The following ARHGAP18 variants were observed in gnomAD, a reference collection of about 807,000 sequenced individuals.
The protein encoded by ARHGAP18 is Rho GTPase activating protein 18.
ARHGAP18 carries 67 observed loss-of-function variants against 86.2 expected under a neutral mutation model. The observed-to-expected ratio is 0.78, with a 90% CI of 0.64 to 0.95. The LOEUF (loss-of-function observed/expected upper bound fraction) is 0.95, where lower values mean the gene tolerates loss of function less well. Ranked by LOEUF, ARHGAP18 falls within the 40% of genes least tolerant of loss-of-function variation. The pLI, the probability that ARHGAP18 is intolerant of heterozygous loss-of-function variation, is 0.00. For missense variants in ARHGAP18, 691 were observed against 780.4 expected, an observed-to-expected ratio of 0.89 and a Z score of 1.37; for synonymous variants, 283 against 280.4, an observed-to-expected ratio of 1.01 and a Z score of -0.09.
intron 3 of ARHGAP18, among the ~76,000 whole-genome samples, chr6:129,634,415 G>A (rs867743677): frequency 2.6e-5 from 4 of 152,150 alleles, no homozygotes; most frequent in Middle Eastern, 3.2e-3. Flanking sequence ...AAAATTAGTA[G>A]TAGCTATTAA....
intron 4 of ARHGAP18, 85 bp from the exon 5 acceptor site, chr6:129,629,607 A>G: frequency 2.2e-6 from 3 of 1,388,474 alleles, no homozygotes; most frequent in South Asian, 1.4e-5. Context: ...ACATAAAAAC[A>G]TTTGGGAAGA....
chr6:129,670,707 C>A (rs1186293434), intron 1 of ARHGAP18, among the ~76,000 whole-genome samples: 1 of 128,272 alleles, frequency 7.8e-6, no homozygotes, highest in Admixed American at 7.7e-5. Flanking sequence ...TTTTTTTTTA[C>A]TGCCTCCCCC....
chr6:129,637,119 C>T (rs371933227), intron 3 of ARHGAP18, among the ~76,000 whole-genome samples: 3 of 151,510 alleles, frequency 2.0e-5, no homozygotes, highest in Admixed American at 6.6e-5. Flanking sequence ...GCCTGGAGTG[C>T]GGTGGCATGA....
intron 1 of ARHGAP18, among the ~76,000 whole-genome samples, chr6:129,677,469 T>C (rs1197971231): frequency 1.3e-5 from 2 of 152,214 alleles, no homozygotes; most frequent in African/African-American, 4.8e-5. Context: ...ATAATTACAC[T>C]AACTTATGGT....
rs117049914 is a variant in ARHGAP18 at position 129,603,289 on chromosome 6, C to T, written c.1366-2441G>A. 2.1e-3 allele frequency among the ~76,000 whole-genome samples: 326 copies of T among 152,200 alleles called. 2 individuals carry two copies. Among genetic ancestry groups the T allele is most frequent in the Middle Eastern group, 0.017 (5 of 294 alleles). On this transcript the variant is annotated intron_variant, in intron 10 of 14. Transcript: ENST00000368149. ...TTACTTCACTTAGAATAATGGCTTC[C>T]GGTTCCATCCAAGTTGTTGCAGAGG...
rs528140138 is a variant in ARHGAP18, at chr6:129,595,324, C to T, written c.1713+3892G>A. 5.3e-5 allele frequency among the ~76,000 whole-genome samples: 8 copies of T among 152,258 alleles called. No individual in the cohort carries two copies. In the East Asian group the frequency reaches 9.6e-4, roughly 18 times the overall value. On this transcript the variant is annotated intron_variant, in intron 12 of 14. Transcript: ENST00000368149. ...ACATTTGTACACTTTCATGGTATTTCGCTGTATAGATATGCCATAATGTAT... is the reference window on the plus strand; with the variant it reads ...ACATTTGTACACTTTCATGGTATTTTGCTGTATAGATATGCCATAATGTAT...
At chr6:129,661,512 G>A (rs370423568) in intron 1 of ARHGAP18, among the ~76,000 whole-genome samples, 82 of 136,362 alleles carry the variant, frequency 6.0e-4, no homozygotes, top group Non-Finnish European at 5.6e-4. Flanking sequence ...CTCTTTAAAT[G>A]AAAAAAAAAA....
Position 129,577,921 on chromosome 6 carries a change from A to G in ARHGAP18, c.*592T>C, listed in dbSNP as rs1788212549. On this transcript the variant is annotated 3_prime_UTR_variant, in exon 15 of 15. Transcript: ENST00000368149. ...GTCAGATGAACTGAAAAAAAATGCA[A>G]ATCACTTCCTGTGATACAGCAGGAA... 1 of 152,208 alleles carries G rather than the reference A, an allele frequency of 6.6e-6. No homozygotes were observed. Among genetic ancestry groups the G allele is most frequent in the South Asian group, 2.1e-4 (1 of 4,830 alleles). 9.4% of individuals were successfully genotyped at this position (152,208 alleles called of 1,614,324 possible).
chr6:129,599,143 A>T, intron 12 of ARHGAP18, 73 bp downstream of exon 12: 2 of 1,260,736 alleles, frequency 1.6e-6, no homozygotes, highest in Non-Finnish European at 2.1e-6. Flanking sequence ...CTATGAAAAC[A>T]TTAAATAAAA....
At chr6:129,667,881 C>A (rs989610454) in intron 1 of ARHGAP18, among the ~76,000 whole-genome samples, 6 of 151,868 alleles carry the variant, frequency 4.0e-5, no homozygotes, top group Admixed American at 1.3e-4. Context: ...GGTTATGAAA[C>A]AATGAAACAA....
intron 3 of ARHGAP18, 30 bp from the exon 4 acceptor site, chr6:129,634,135 T>A (rs1773280401): frequency 1.2e-6 from 2 of 1,601,678 alleles, no homozygotes; most frequent in East Asian, 4.5e-5. Flanking sequence ...CATTTAGTCA[T>A]CTCCAACTCA....
chr6:129,638,882 G>T (rs1220141183), intron 2 of ARHGAP18, among the ~76,000 whole-genome samples: 2 of 152,118 alleles, frequency 1.3e-5, no homozygotes, highest in African/African-American at 4.8e-5. Flanking sequence ...CTTCCCTGCA[G>T]ATTAACCCAG....
intron 1 of ARHGAP18, among the ~76,000 whole-genome samples, chr6:129,675,134 CAGA>C (rs1351182255): frequency 1.3e-5 from 2 of 152,130 alleles, no homozygotes; most frequent in Non-Finnish European, 2.9e-5. Context: ...AGTTGAGAAA[CAGA>C]AGGACAAGTG....
At chr6:129,639,869 A>AC (rs1165070565) in intron 2 of ARHGAP18, among the ~76,000 whole-genome samples, 1 of 151,786 alleles carries the variant, frequency 6.6e-6, no homozygotes, top group Non-Finnish European at 1.5e-5. Context: ...ACATGGTGAA[A>AC]CCCCCTCTCT....
intron 1 of ARHGAP18, among the ~76,000 whole-genome samples, chr6:129,699,340 A>G (rs1388870872): frequency 6.6e-6 from 1 of 152,222 alleles, no homozygotes; most frequent in East Asian, 1.9e-4. Flanking sequence ...CAAAGCTCCC[A>G]GGTGCCTGGG....
chr6:129,584,132 C>G lies in ARHGAP18; in HGVS notation c.1714-20G>C. Reference sequence around the variant, plus strand: ...GTCAGCCTGCAAAGCAATAATGACACTGGAACAAAGCTGGCAGCAGCTGGA... The same window carrying G: ...GTCAGCCTGCAAAGCAATAATGACAGTGGAACAAAGCTGGCAGCAGCTGGA... On this transcript the variant is annotated intron_variant, in intron 12 of 14. Coordinates refer to ENST00000368149, the MANE Select transcript of ARHGAP18 (RefSeq NM_033515.3). 1.9e-6 allele frequency: 3 copies of G among 1,613,014 alleles called. No homozygotes were observed. Among genetic ancestry groups the G allele is most frequent in the Non-Finnish European group, 2.5e-6 (3 of 1,179,370 alleles).
intron 1 of ARHGAP18, among the ~76,000 whole-genome samples, chr6:129,696,747 A>C (rs998052516): frequency 2.6e-5 from 4 of 152,248 alleles, no homozygotes; most frequent in Non-Finnish European, 5.9e-5. Context: ...ATACGCATTT[A>C]TATACAGATG....
intron 1 of ARHGAP18, among the ~76,000 whole-genome samples, chr6:129,672,284 A>G (rs1222330455): frequency 6.6e-6 from 1 of 152,222 alleles, no homozygotes; most frequent in African/African-American, 2.4e-5. Flanking sequence ...TAATGTGGCC[A>G]CAACCTTGGC....
Position 129,618,675 on chromosome 6 carries a change from T to C in ARHGAP18, c.952+12A>G, listed in dbSNP as rs1485579523. 1.3e-6 allele frequency: 2 copies of C among 1,595,410 alleles called. No individual in the cohort carries two copies. The highest frequency in any genetic ancestry group is 1.7e-6 in the Non-Finnish European group (2 of 1,169,552). On this transcript the variant is annotated intron_variant, in intron 6 of 14. Coordinates refer to ENST00000368149, the MANE Select transcript of ARHGAP18 (RefSeq NM_033515.3). Reference sequence around the variant, plus strand: ...TAGAAATAAATCCAAGGGTTTATCATTTCATGATTACCTTTTGTTTTGATT... The same window carrying C: ...TAGAAATAAATCCAAGGGTTTATCACTTCATGATTACCTTTTGTTTTGATT...
Sources: allele counts gnomAD v4.1 joint callset (sites outside exome capture counted in the v4.1 genomes callset), GRCh38; gene constraint gnomAD v4.1.1; transcripts MANE v1.5; gene names NCBI Gene and HGNC (gene_info 2026-07-23, HGNC 2026-07-21).